The following CAPZB variants were observed in gnomAD, a reference collection of about 807,000 sequenced individuals.
CAPZB encodes the protein capping actin protein of muscle Z-line subunit beta.
In CAPZB, 2 loss-of-function variants were observed where a neutral mutation model predicts 38.1. The ratio of observed to expected loss-of-function variants is 0.05; its 90% CI spans 0.02 to 0.17. The LOEUF (loss-of-function observed/expected upper bound fraction) is 0.17, where lower values mean the gene tolerates loss of function less well. Among genes scored for constraint, CAPZB ranks in the 10% least tolerant of loss-of-function variants. The pLI is 1.00. For synonymous variants in CAPZB, 107 were observed against 127.4 expected, an observed-to-expected ratio of 0.84 and a Z score of 1.08; for missense variants, 161 against 334.2, an observed-to-expected ratio of 0.48 and a Z score of 4.04.
At chr1:19,389,677 C>CG (rs1302689619) in intron 2 of CAPZB, among the ~76,000 whole-genome samples, 3 of 152,272 alleles carry the variant, frequency 2.0e-5, no homozygotes, top group Admixed American at 6.5e-5. Context: ...CCACCCACCT[C>CG]GGCCACCCAA....
At chr1:19,438,845 T>A (rs1183125844) in intron 1 of CAPZB, among the ~76,000 whole-genome samples, 1 of 152,204 alleles carries the variant, frequency 6.6e-6, no homozygotes, top group African/African-American at 2.4e-5. Flanking sequence ...ACTGGGTGGC[T>A]CAGAGATCAT....
intron 1 of CAPZB, among the ~76,000 whole-genome samples, chr1:19,473,297 C>G (rs1174817900): frequency 6.6e-6 from 1 of 152,162 alleles, no homozygotes; most frequent in East Asian, 1.9e-4. Context: ...TATTTTTTAA[C>G]TTTTCAAGGC....
intron 1 of CAPZB, among the ~76,000 whole-genome samples, chr1:19,441,690 A>AC: frequency 6.6e-6 from 1 of 151,926 alleles, no homozygotes; most frequent in Non-Finnish European, 1.5e-5. Context: ...AAAAAAAAAA[A>AC]AACAGCAGCA....
chr1:19,474,459 T>C (rs566322457), intron 1 of CAPZB, among the ~76,000 whole-genome samples: 5 of 152,142 alleles, frequency 3.3e-5, no homozygotes, highest in Non-Finnish European at 7.4e-5. Flanking sequence ...GAGGCTCCTT[T>C]CGCTATACTA....
At chr1:19,378,737 T>C in intron 3 of CAPZB, 84 bp from the exon 4 acceptor site, 2 of 756,556 alleles carry the variant, frequency 2.6e-6, no homozygotes, top group Non-Finnish European at 4.5e-6. Flanking sequence ...GCCCTGGCTA[T>C]CTGAAATCTC....
At chr1:19,370,887 C>T (rs192004914) in intron 4 of CAPZB, among the ~76,000 whole-genome samples, 141 of 152,348 alleles carry the variant, frequency 9.3e-4, no homozygotes, top group African/African-American at 3.3e-3. Flanking sequence ...AGCTCTCATT[C>T]CTTTGCAGCG....
chr1:19,477,786 T>C (rs2094612047), intron 1 of CAPZB, among the ~76,000 whole-genome samples: 1 of 152,228 alleles, frequency 6.6e-6, no homozygotes, highest in African/African-American at 2.4e-5. Context: ...GGTCTTACTA[T>C]GTTGCCCAGG....
At position 19,360,278 on chromosome 1, in the gene CAPZB, C is replaced by A. The variant is rs571977186; in HGVS notation, c.330-2715G>T. Among the ~76,000 whole-genome samples, 11 of 152,304 alleles carry A rather than the reference C, an allele frequency of 7.2e-5. No individual in the cohort carries two copies. In the South Asian group the frequency reaches 2.1e-3, roughly 29 times the overall value. On this transcript the variant is annotated intron_variant, in intron 4 of 8. Coordinates refer to ENST00000264202, the MANE Select transcript of CAPZB (RefSeq NM_004930.5). ...GGCTTGGTTCTAGCACACCGTTTTC[C>A]CTTTCAGTCGGCTTACAGGGAGAGC... is the stretch of plus-strand genomic sequence containing the variant.
In CAPZB at chr1:19,357,704, T is replaced by A; in HGVS notation, c.330-141A>T. ...TGGGAGCCGATCCTTGGGTGTGTTC[T>A]GATCGTTCTGTGGCTGGGGGAGGGG... On this transcript the variant is annotated intron_variant, in intron 4 of 8. Transcript: ENST00000264202. This position sits in a 1 kb window ranked among gnomAD's most constrained non-coding sequence, Gnocchi z 4.3. 1 of 731,070 alleles carries A rather than the reference T, an allele frequency of 1.4e-6. No homozygotes were observed. The highest frequency in any genetic ancestry group is 1.8e-5 in the African/African-American group (1 of 56,258). The allele number at this position is 731,070 out of a possible 1,614,324, so 45.3% of individuals were successfully genotyped here. A position where few individuals can be genotyped will look rare whatever the true frequency, so the allele number is the denominator to read the frequency against.
At chr1:19,381,745 T>C (rs2100440924) in intron 3 of CAPZB, among the ~76,000 whole-genome samples, 1 of 135,430 alleles carries the variant, frequency 7.4e-6, no homozygotes, top group Non-Finnish European at 1.5e-5. Flanking sequence ...CAGGTTGGAG[T>C]GCAGTGGCAT....
chr1:19,448,403 G>T (rs1165898336), intron 1 of CAPZB, among the ~76,000 whole-genome samples: 1 of 152,178 alleles, frequency 6.6e-6, no homozygotes. Flanking sequence ...AGTGTTTAGA[G>T]ATGGAAAATA....
intron 1 of CAPZB, among the ~76,000 whole-genome samples, chr1:19,438,176 C>T (rs2094464169): frequency 1.3e-5 from 2 of 152,140 alleles, no homozygotes; most frequent in Admixed American, 6.5e-5. Flanking sequence ...CTTGTCACGG[C>T]GCTGCCAGCT....
chr1:19,477,174 A>G (rs2094609821), intron 1 of CAPZB, among the ~76,000 whole-genome samples: 1 of 152,202 alleles, frequency 6.6e-6, no homozygotes, highest in African/African-American at 2.4e-5. Flanking sequence ...CTACAGACTG[A>G]AGGTATCCTT....
chr1:19,349,708 C>CTA (rs1479274290), intron 6 of CAPZB, among the ~76,000 whole-genome samples: 1 of 152,206 alleles, frequency 6.6e-6, no homozygotes, highest in Non-Finnish European at 1.5e-5. Flanking sequence ...GACTGATCCC[C>CTA]TAGAACACAG....
chr1:19,387,821 C>T (rs551448239), intron 2 of CAPZB, among the ~76,000 whole-genome samples: 16 of 152,196 alleles, frequency 1.1e-4, no homozygotes, highest in Non-Finnish European at 2.1e-4. Context: ...TTTTGAGGAC[C>T]CACATGACAC....
At chr1:19,431,078 T>C (rs1442577792) in intron 1 of CAPZB, among the ~76,000 whole-genome samples, 1 of 152,218 alleles carries the variant, frequency 6.6e-6, no homozygotes, top group Non-Finnish European at 1.5e-5. Context: ...AATTGAGGCC[T>C]GGACTGACCC....
chr1:19,410,709 G>A (rs541691206), intron 2 of CAPZB, among the ~76,000 whole-genome samples: 77 of 152,220 alleles, frequency 5.1e-4, no homozygotes, highest in African/African-American at 1.8e-3. Context: ...TTCTTCCCAG[G>A]CCCTCATTAT....
chr1:19,448,697 G>A (rs938001878), intron 1 of CAPZB: 50 of 1,140,236 alleles, frequency 4.4e-5, no homozygotes, highest in Non-Finnish European at 5.9e-5. Context: ...ACATTTCCTG[G>A]GGGTAGACTG....
intron 2 of CAPZB, among the ~76,000 whole-genome samples, chr1:19,402,366 T>C (rs796802174): frequency 6.6e-6 from 1 of 152,326 alleles, no homozygotes; most frequent in African/African-American, 2.4e-5. Flanking sequence ...TCAACAGGCT[T>C]ACAAGGGCAC....
Sources: gnomAD v4.1 joint callset for allele counts (sites outside exome capture counted in the v4.1 genomes callset) on GRCh38, gnomAD v4.1.1 for gene constraint, Gnocchi (gnomAD v3.1) non-coding constraint, MANE v1.5 for transcripts, NCBI Gene and HGNC (gene_info 2026-07-23, HGNC 2026-07-21) for gene names.